The following TTC7A variants were observed in gnomAD, a reference collection of about 807,000 sequenced individuals.
The protein encoded by TTC7A is tetratricopeptide repeat domain 7A.
In TTC7A, 110 loss-of-function variants were observed where a neutral mutation model predicts 103.7. The ratio of observed to expected loss-of-function variants is 1.06; its 90% CI spans 0.91 to 1.24. The LOEUF is 1.24. Among genes scored for constraint, TTC7A ranks in the 50% most tolerant of loss-of-function variants. The pLI is 0.00. For missense variants in TTC7A, 1,340 were observed against 1,116.3 expected (o/e 1.20, Z -2.86); for synonymous variants, 521 against 467.9 (o/e 1.11, Z -1.47).
At position 46,978,959 on chromosome 2, in the gene TTC7A, CT is replaced by C. The variant is rs764026338; in HGVS notation, c.764+56del. 40 of 1,368,738 alleles carry C rather than the reference CT, an allele frequency of 2.9e-5. No individual in the cohort carries two copies. In the South Asian group the frequency reaches 4.6e-4, roughly 16 times the overall value. 84.8% of individuals were successfully genotyped at this position (1,368,738 alleles called of 1,614,324 possible). On this transcript the variant is annotated intron_variant, in intron 5 of 19. Transcript: ENST00000319190. The stretch of plus-strand genomic sequence containing the variant: ...GGAGAACGATTCCCCTGGGCTGAGG[CT>C]TTTGACGTGGCCTTAAGGCTGCTCT...
intron 8 of TTC7A, among the ~76,000 whole-genome samples, chr2:47,005,052 T>G (rs1677230050): frequency 6.6e-6 from 1 of 152,038 alleles, no homozygotes; most frequent in Non-Finnish European, 1.5e-5. Flanking sequence ...CACCTTTCCC[T>G]CTCCTACCGC....
intron 3 of TTC7A, among the ~76,000 whole-genome samples, chr2:46,971,465 A>T (rs1337856328): frequency 6.6e-6 from 1 of 152,052 alleles, no homozygotes; most frequent in Non-Finnish European, 1.5e-5. Context: ...AAGGTGAGGG[A>T]TGAGGCTGGA....
chr2:47,003,120 G>T (rs1325032274), intron 8 of TTC7A, among the ~76,000 whole-genome samples: 3 of 152,222 alleles, frequency 2.0e-5, no homozygotes, highest in Non-Finnish European at 4.4e-5. Flanking sequence ...TAAAGGTCAA[G>T]GTCTAGGGTG....
chr2:46,990,089 C>T (rs996468233), intron 5 of TTC7A, among the ~76,000 whole-genome samples: 3 of 152,226 alleles, frequency 2.0e-5, no homozygotes, highest in African/African-American at 4.8e-5. Context: ...TAGGCAGCCC[C>T]GGGGTCCAGC....
At chr2:46,940,194 CACTT>C (rs1670212275), upstream of TTC7A, among the ~76,000 whole-genome samples, 1 of 152,140 alleles carries the variant, frequency 6.6e-6, no homozygotes. This position sits in a 1 kb window ranked among gnomAD's most constrained non-coding sequence, Gnocchi z 4.7. Context: ...TGTCCAAAAA[CACTT>C]AGGGCAGTGG....
At chr2:47,000,443 CCTCT>C in intron 8 of TTC7A, among the ~76,000 whole-genome samples, 1 of 152,128 alleles carries the variant, frequency 6.6e-6, no homozygotes, top group Non-Finnish European at 1.5e-5. Flanking sequence ...GGTGGGAGAG[CCTCT>C]CTCTCTAACC....
At chr2:46,996,356 G>A (rs952206853) in intron 8 of TTC7A, among the ~76,000 whole-genome samples, 6 of 152,226 alleles carry the variant, frequency 3.9e-5, no homozygotes, top group South Asian at 2.1e-4. Context: ...AAAAAACGAC[G>A]CATCTGAGAG....
At chr2:47,031,965 C>T (rs1290731079) in intron 15 of TTC7A, among the ~76,000 whole-genome samples, 1 of 152,212 alleles carries the variant, frequency 6.6e-6, no homozygotes, top group Non-Finnish European at 1.5e-5. Context: ...GTTCATCTTC[C>T]CAGGCTCTTG....
intron 19 of TTC7A, among the ~76,000 whole-genome samples, chr2:47,067,377 A>G (rs900048283): frequency 1.3e-5 from 2 of 152,246 alleles, no homozygotes; most frequent in Non-Finnish European, 2.9e-5. Context: ...CCTGAGCCTG[A>G]GCCCCACCTG....
rs2304289 is a variant in TTC7A, at chr2:47,029,158, C to T, written c.1642-66C>T. 252,616 of 1,578,972 alleles carry T rather than the reference C, an allele frequency of 0.16. 25,437 individuals are homozygous for T. The highest frequency in any genetic ancestry group is 0.58 in the East Asian group (25,578 of 44,456). ...GTGTGAGTGCCCTTGTTGACTGGCA[C>T]GTGGCTCCTGAGTCCCAGGGCAGCA... On this transcript the variant is annotated intron_variant, in intron 14 of 19. Coordinates refer to ENST00000319190, the MANE Select transcript of TTC7A (RefSeq NM_020458.4).
intron 2 of TTC7A, among the ~76,000 whole-genome samples, chr2:46,933,653 T>A (rs997339532): frequency 5.3e-5 from 8 of 152,222 alleles, no homozygotes; most frequent in African/African-American, 1.9e-4. Context: ...TAAAAGTTGA[T>A]TTCCGAATGT....
intron 5 of TTC7A, among the ~76,000 whole-genome samples, chr2:46,980,216 C>CTTT (rs5830931): frequency 6.4e-5 from 8 of 124,158 alleles, no homozygotes; most frequent in Non-Finnish European, 1.0e-4. Context: ...TACTCTCTCT[C>CTTT]TTTTTTTTTT....
intron 10 of TTC7A, among the ~76,000 whole-genome samples, chr2:47,008,190 G>A (rs1314386394): frequency 6.6e-6 from 1 of 152,196 alleles, no homozygotes; most frequent in Non-Finnish European, 1.5e-5. Flanking sequence ...CTAATCTTGG[G>A]ACAGTGAGTA....
intron 11 of TTC7A, 23 bp downstream of exon 11, chr2:47,011,458 T>A: frequency 6.3e-7 from 1 of 1,581,192 alleles, no homozygotes; most frequent in African/African-American, 1.3e-5. Context: ...TGAGGGCAGG[T>A]CCCAGAGGCC....
chr2:46,943,539 C>A (rs1454917080), intron 1 of TTC7A, among the ~76,000 whole-genome samples: 1 of 152,174 alleles, frequency 6.6e-6, no homozygotes, highest in Non-Finnish European at 1.5e-5. Flanking sequence ...CACTGGGACA[C>A]ATAGTCATAC....
chr2:47,002,674 C>T (rs1016374000), intron 8 of TTC7A, among the ~76,000 whole-genome samples: 6 of 152,140 alleles, frequency 3.9e-5, no homozygotes, highest in African/African-American at 1.4e-4. Context: ...GGCCCCTGAG[C>T]TGCACATTAA....
At chr2:47,071,004 T>C (rs1473177717) in intron 19 of TTC7A, 1 of 152,066 alleles carries the variant, frequency 6.6e-6, no homozygotes, top group African/African-American at 2.4e-5. Flanking sequence ...CTTGGGACAT[T>C]TGGATGAAAT....
At position 46,994,321 on chromosome 2, in the gene TTC7A, A is replaced by G. The variant is rs1468544473; in HGVS notation, c.844-36A>G. On this transcript the variant is annotated intron_variant, in intron 6 of 19. Coordinates refer to ENST00000319190, the MANE Select transcript of TTC7A (RefSeq NM_020458.4). ...AGGTCATGCTGGGGTAGAGCTGACA[A>G]CTGTGCCTGGGTCCGAGTGCTTCCC... is the stretch of plus-strand genomic sequence containing the variant. The G allele has an allele frequency of 2.5e-6, 4 of 1,595,854 alleles. No homozygotes were observed. The East Asian group carries it at 9.0e-5, about 36-fold the overall frequency.
chr2:47,034,116 G>A (rs749205128), intron 15 of TTC7A: 1 of 152,252 alleles, frequency 6.6e-6, no homozygotes. Flanking sequence ...GGCAAAAAAC[G>A]TGATGAGGCA....
Sources: gnomAD v4.1 joint callset for allele counts (sites outside exome capture counted in the v4.1 genomes callset) on GRCh38, gnomAD v4.1.1 for gene constraint, Gnocchi (gnomAD v3.1) non-coding constraint, MANE v1.5 for transcripts, NCBI Gene and HGNC (gene_info 2026-07-23, HGNC 2026-07-21) for gene names.